Variants in GET1 observed in about 807,000 individuals in gnomAD.
The protein encoded by GET1 is guided entry of tail-anchored proteins factor 1.
GET1 carries 20 observed loss-of-function variants against 22.6 expected under a neutral mutation model. The observed-to-expected ratio is 0.89, with a 90% CI of 0.62 to 1.29. The LOEUF is 1.29. GET1 is among the 50% of genes most tolerant of loss of function. GET1 has a pLI of 0.00. For synonymous variants in GET1, 92 were observed against 83.8 expected, an observed-to-expected ratio of 1.10 and a Z score of -0.53; for missense variants, 209 against 219.9, an observed-to-expected ratio of 0.95 and a Z score of 0.31.
chr21:39,395,366 CT>C (rs1434837959), intron 4 of GET1, among the ~76,000 whole-genome samples: 1 of 101,284 alleles, frequency 9.9e-6, no homozygotes, highest in Non-Finnish European at 2.2e-5. Context: ...AAAGGAATGA[CT>C]ATTTTTTTTT....
At chr21:39,394,065 C>T (rs893763009) in intron 4 of GET1, among the ~76,000 whole-genome samples, 1 of 152,122 alleles carries the variant, frequency 6.6e-6, no homozygotes, top group African/African-American at 2.4e-5. Context: ...TGCAGTGGCT[C>T]ACGCCTGTAA....
chr21:39,387,978 A>C (rs1301341429), intron 1 of GET1: 1 of 547,744 alleles, frequency 1.8e-6, no homozygotes, highest in African/African-American at 2.1e-5. Flanking sequence ...ACAAATGTGC[A>C]GAAAAGTTAT....
chr21:39,399,042 C>A (rs1184630670), downstream of GET1, among the ~76,000 whole-genome samples: 1 of 152,168 alleles, frequency 6.6e-6, no homozygotes, highest in Non-Finnish European at 1.5e-5. Flanking sequence ...GCCCGGCCTG[C>A]CATTTGTTTT....
intron 1 of GET1, among the ~76,000 whole-genome samples, chr21:39,425,680 C>A (rs7276981): frequency 9.2e-5 from 14 of 152,016 alleles, no homozygotes; most frequent in African/African-American, 3.4e-4. Context: ...TGGTTTAAAA[C>A]AGGGGTGGGC....
downstream of GET1, among the ~76,000 whole-genome samples, chr21:39,407,290 T>A (rs2039241752): frequency 6.6e-6 from 1 of 152,218 alleles, no homozygotes; most frequent in East Asian, 1.9e-4. Context: ...AATGAGAACA[T>A]TTTTCATCCA....
chr21:39,420,187 T>C (rs1191035003), intron 1 of GET1, among the ~76,000 whole-genome samples: 2 of 151,978 alleles, frequency 1.3e-5, no homozygotes, highest in Non-Finnish European at 2.9e-5. Flanking sequence ...TGTCTGTTCA[T>C]ATGATTGTAG....
At position 39,390,735 on chromosome 21, in the gene GET1, C is replaced by T. The variant is rs2038247450; in HGVS notation, c.140C>T (p.Ser47Leu). The T allele has an allele frequency of 6.2e-7, 1 of 1,614,160 alleles. No individual in the cohort carries two copies. The highest frequency in any genetic ancestry group is 8.5e-7 in the Non-Finnish European group (1 of 1,180,026). ...RVLQKDAEQE[S>L]QMRAEIQDMK... The stretch of plus-strand genomic sequence containing the variant: ...CTGCAGAAGGACGCGGAGCAGGAGT[C>T]ACAGATGAGAGCGGAGATCCAGGAC... Residue 47 changes from serine to leucine, a missense_variant, in exon 2 of 5, where the codon TCA becomes TTA. Ser to Leu is a moderately radical substitution (Grantham distance 145, BLOSUM62 -2). Coordinates refer to ENST00000649170, the MANE Select transcript of GET1 (RefSeq NM_004627.6).
chr21:39,387,682 T>C (rs1168135792), intron 1 of GET1: 60 of 104,208 alleles, frequency 5.8e-4, no homozygotes, highest in African/African-American at 1.1e-3. Flanking sequence ...CCCCCCCTAC[T>C]CCCCACACTC....
At chr21:39,387,144 G>A (rs1156986730) in intron 1 of GET1, among the ~76,000 whole-genome samples, 4 of 152,180 alleles carry the variant, frequency 2.6e-5, no homozygotes, top group Admixed American at 6.5e-5. Context: ...ACTGCACTGC[G>A]CCTGGCTCAG....
chr21:39,381,812 A>T (rs1045250683), intron 1 of GET1, among the ~76,000 whole-genome samples: 1 of 152,260 alleles, frequency 6.6e-6, no homozygotes, highest in East Asian at 1.9e-4. Context: ...ATCTCGACTC[A>T]TTGCAACCTC....
At chr21:39,409,774 A>G (rs939924890), downstream of GET1, among the ~76,000 whole-genome samples, 2 of 152,044 alleles carry the variant, frequency 1.3e-5, no homozygotes, top group Admixed American at 6.6e-5. This position sits in a 1 kb window ranked among gnomAD's most constrained non-coding sequence, Gnocchi z 4.2. Context: ...TGTATTTTTT[A>G]GTAGAGATAG....
chr21:39,410,046 T>G (rs753490630), downstream of GET1: 13 of 1,611,272 alleles, frequency 8.1e-6, no homozygotes, highest in Non-Finnish European at 1.1e-5. Flanking sequence ...TTTCATGATT[T>G]ATTTCAGTTG....
chr21:39,391,858 C>T, intron 3 of GET1, 22 bp downstream of exon 3: 1 of 1,613,750 alleles, frequency 6.2e-7, no homozygotes, highest in Non-Finnish European at 8.5e-7. Flanking sequence ...AGAGCGTCAG[C>T]CGGGTCATTG....
intron 4 of GET1, among the ~76,000 whole-genome samples, chr21:39,395,367 TA>T (rs555972818): frequency 2.2e-5 from 2 of 91,102 alleles, no homozygotes; most frequent in Non-Finnish European, 5.0e-5. Context: ...AAGGAATGAC[TA>T]TTTTTTTTTT....
chr21:39,414,499 G>A (rs1032291262), intron 1 of GET1, among the ~76,000 whole-genome samples: 4 of 152,234 alleles, frequency 2.6e-5, no homozygotes, highest in Non-Finnish European at 4.4e-5. Flanking sequence ...TATGACTTTC[G>A]TTAATGTGGC....
chr21:39,387,397 G>C (rs1267841496), intron 1 of GET1, among the ~76,000 whole-genome samples: 1 of 152,110 alleles, frequency 6.6e-6, no homozygotes, highest in Non-Finnish European at 1.5e-5. Flanking sequence ...TTTGTATAAG[G>C]CGAAATTATC....
intron 1 of GET1, chr21:39,421,513 G>A (rs2073765068): frequency 6.6e-6 from 1 of 152,206 alleles, no homozygotes; most frequent in South Asian, 2.1e-4. Flanking sequence ...CTGATGGACT[G>A]TAAGACAATG....
Position 39,380,431 on chromosome 21 carries a change from G to C in GET1, c.47G>C (p.Ser16Thr). ...CACTGGGCGTGGTTGCTGGTGCTCAGCTTCGTGTTTGGATGCAATGTTCTT... is the reference window on the plus strand; with the variant it reads ...CACTGGGCGTGGTTGCTGGTGCTCACCTTCGTGTTTGGATGCAATGTTCTT... ...ADHWAWLLVL[S>T]FVFGCNVLRI... is the part of the protein sequence containing the mutation. Residue 16 changes from serine (S) to threonine (T), a missense_variant, in exon 1 of 5, where the codon AGC becomes ACC. Physicochemically the swap from Ser to Thr is moderately conservative, Grantham distance 58. Transcript: ENST00000649170. 6.2e-7 allele frequency: 1 copy of C among 1,613,086 alleles called. No individual in the cohort carries two copies. The highest frequency in any genetic ancestry group is 8.5e-7 in the Non-Finnish European group (1 of 1,179,620).
At chr21:39,399,989 T>C (rs939807370), downstream of GET1, among the ~76,000 whole-genome samples, 7 of 151,916 alleles carry the variant, frequency 4.6e-5, no homozygotes, top group African/African-American at 1.7e-4. Context: ...GCTCAAGTGC[T>C]GGGATTACAG....
Sources: allele counts gnomAD v4.1 joint callset (sites outside exome capture counted in the v4.1 genomes callset), GRCh38; gene constraint gnomAD v4.1.1; non-coding constraint Gnocchi (gnomAD v3.1); transcripts MANE v1.5; gene names NCBI Gene and HGNC (gene_info 2026-07-23, HGNC 2026-07-21).